Variants in RBFOX1 observed in about 807,000 individuals in gnomAD.
RBFOX1 encodes the protein RNA binding fox-1 homolog 1.
In RBFOX1, 8 loss-of-function variants were observed where a neutral mutation model predicts 57.7. The ratio of observed to expected loss-of-function variants is 0.14; its 90% CI spans 0.08 to 0.25. The LOEUF (loss-of-function observed/expected upper bound fraction) is 0.25, where lower values mean the gene tolerates loss of function less well. RBFOX1 is among the 10% of genes least tolerant of loss of function. The probability of loss-of-function intolerance (pLI) is 1.00; values close to 1 mark genes in which losing one functional copy is unlikely to be tolerated. For synonymous variants in RBFOX1, 326 were observed against 222.4 expected, an observed-to-expected ratio of 1.47 and a Z score of -4.15; for missense variants, 611 against 548.5, an observed-to-expected ratio of 1.11 and a Z score of -1.14.
intron 1 of RBFOX1, among the ~76,000 whole-genome samples, chr16:6,248,697 G>A (rs551303648): frequency 6.6e-6 from 1 of 152,132 alleles, no homozygotes; most frequent in Admixed American, 6.6e-5. Context: ...ATTTGATATA[G>A]AGGTTAAGTA....
intron 4 of RBFOX1, among the ~76,000 whole-genome samples, chr16:7,065,341 C>G (rs1457315192): frequency 6.6e-6 from 1 of 152,072 alleles, no homozygotes; most frequent in Admixed American, 6.5e-5. Context: ...CACGTCTCAT[C>G]TTGAATGCCA....
intron 13 of RBFOX1, among the ~76,000 whole-genome samples, chr16:7,668,839 C>G (rs2070369422): frequency 1.3e-5 from 2 of 152,080 alleles, no homozygotes; most frequent in South Asian, 2.1e-4. Context: ...AGAGTTTATA[C>G]AAACAGAGTT....
intron 5 of RBFOX1, among the ~76,000 whole-genome samples, chr16:7,575,881 C>T (rs2093290341): frequency 6.6e-6 from 1 of 152,146 alleles, no homozygotes; most frequent in African/African-American, 2.4e-5. Flanking sequence ...TCTGTCATCT[C>T]CTGCTGCATT....
chr16:5,496,215 C>A (rs974019149), intron 2 of RBFOX1, among the ~76,000 whole-genome samples: 1 of 152,182 alleles, frequency 6.6e-6, no homozygotes. Flanking sequence ...ACCTCCAATC[C>A]CTTTTCTTGA....
chr16:6,023,623 A>G (rs1362685271), intron 1 of RBFOX1, among the ~76,000 whole-genome samples: 1 of 152,182 alleles, frequency 6.6e-6, no homozygotes, highest in Non-Finnish European at 1.5e-5. Context: ...GTGTAAGGAG[A>G]CTATTGAAAT....
chr16:7,680,363 T>C (rs12149065), intron 14 of RBFOX1, among the ~76,000 whole-genome samples: 33,434 of 152,126 alleles, frequency 0.22, 3,931 homozygotes, highest in South Asian at 0.38. Context: ...ATGAAAGTGT[T>C]ATCTCCCCAG....
At chr16:5,489,648 G>A (rs2042760149) in intron 2 of RBFOX1, among the ~76,000 whole-genome samples, 2 of 152,166 alleles carry the variant, frequency 1.3e-5, no homozygotes, top group African/African-American at 4.8e-5. Context: ...AATTATTATT[G>A]CAGGAGTTCA....
intron 4 of RBFOX1, among the ~76,000 whole-genome samples, chr16:7,453,858 CAG>C (rs2057921554): frequency 1.3e-5 from 2 of 152,176 alleles, no homozygotes; most frequent in African/African-American, 2.4e-5. Context: ...GTCCTCTAAA[CAG>C]AGTCTTCACC....
chr16:6,057,827 T>G (rs1448483705), intron 1 of RBFOX1, among the ~76,000 whole-genome samples: 1 of 132,722 alleles, frequency 7.5e-6, no homozygotes, highest in African/African-American at 3.1e-5. Context: ...TGCTATGGGT[T>G]TTTTTTTTTT....
intron 4 of RBFOX1, among the ~76,000 whole-genome samples, chr16:6,002,711 T>A (rs1214455895): frequency 6.6e-6 from 1 of 152,240 alleles, no homozygotes; most frequent in Non-Finnish European, 1.5e-5. Context: ...TAAAGCAATA[T>A]AAAGTTCTTA....
rs577422014 is a variant in RBFOX1 at position 5,568,030 on chromosome 16, C to G, written c.259-30872C>G. On this transcript the variant is annotated intron_variant, in intron 2 of 2. Coordinates refer to the RBFOX1 transcript ENST00000585867. Reference sequence around the variant, plus strand: ...AACTGATCTGCTCTATAGCCTGACACCAGTACCCAGTGATGCACTTTCACT... The same window carrying G: ...AACTGATCTGCTCTATAGCCTGACAGCAGTACCCAGTGATGCACTTTCACT... Among the ~76,000 whole-genome samples the G allele has an allele frequency of 6.6e-5, 10 of 152,306 alleles. No homozygotes were observed. The East Asian group carries it at 1.9e-3, about 29-fold the overall frequency.
intron 5 of RBFOX1, among the ~76,000 whole-genome samples, chr16:7,561,113 A>C (rs911864639): frequency 5.3e-5 from 8 of 152,198 alleles, no homozygotes; most frequent in Admixed American, 5.2e-4. Context: ...ATGGTAGCTG[A>C]GTTGAACAGT....
intron 3 of RBFOX1, among the ~76,000 whole-genome samples, chr16:5,623,337 C>G (rs2048254106): frequency 6.6e-6 from 1 of 152,148 alleles, no homozygotes; most frequent in Non-Finnish European, 1.5e-5. Context: ...GGCAGTTCCT[C>G]AAAATGCATT....
intron 3 of RBFOX1, among the ~76,000 whole-genome samples, chr16:6,786,748 A>C (rs2082030859): frequency 6.6e-6 from 1 of 152,178 alleles, no homozygotes; most frequent in African/African-American, 2.4e-5. Flanking sequence ...AAACAGTTGG[A>C]AATGAGATAC....
At chr16:7,498,887 C>A (rs1019921353) in intron 4 of RBFOX1, among the ~76,000 whole-genome samples, 9 of 152,146 alleles carry the variant, frequency 5.9e-5, no homozygotes, top group Non-Finnish European at 1.3e-4. Flanking sequence ...CCAACTTTCT[C>A]CTCTGAAGTG....
At chr16:5,590,904 A>G (rs1311488718) in intron 2 of RBFOX1, among the ~76,000 whole-genome samples, 1 of 152,108 alleles carries the variant, frequency 6.6e-6, no homozygotes, top group African/African-American at 2.4e-5. Flanking sequence ...TCCTGGTGAA[A>G]TCCATTAAGG....
chr16:6,534,199 A>C (rs1330710122), intron 2 of RBFOX1, among the ~76,000 whole-genome samples: 2 of 152,308 alleles, frequency 1.3e-5, no homozygotes, highest in African/African-American at 4.8e-5. Flanking sequence ...ATAGTCACTC[A>C]ATGAAATGCT....
chr16:7,575,122 G>C (rs1213023302), intron 5 of RBFOX1, among the ~76,000 whole-genome samples: 4 of 151,992 alleles, frequency 2.6e-5, no homozygotes, highest in Non-Finnish European at 5.9e-5. Context: ...CTGGATTTAG[G>C]ATGGGCTCAA....
chr16:6,797,835 A>G (rs1357910764), intron 3 of RBFOX1, among the ~76,000 whole-genome samples: 1 of 152,208 alleles, frequency 6.6e-6, no homozygotes, highest in Non-Finnish European at 1.5e-5. Context: ...CATGAGCTCT[A>G]GAACCACTCG....
Sources: allele counts gnomAD v4.1 joint callset (sites outside exome capture counted in the v4.1 genomes callset), GRCh38; gene constraint gnomAD v4.1.1; transcripts MANE v1.5; gene names NCBI Gene and HGNC (gene_info 2026-07-23, HGNC 2026-07-21).